Variants in DENND1B observed in about 807,000 individuals in gnomAD.
The protein encoded by DENND1B is DENN domain containing 1B.
Under a neutral mutation model 90.1 loss-of-function variants are expected in DENND1B, and 59 were observed. The ratio of observed to expected loss-of-function variants is 0.65; its 90% confidence interval spans 0.53 to 0.81. The LOEUF (loss-of-function observed/expected upper bound fraction) is 0.81, where lower values mean the gene tolerates loss of function less well. Ranked by LOEUF, DENND1B falls within the 40% of genes least tolerant of loss-of-function variation. The pLI is 0.00. For synonymous variants in DENND1B, 337 were observed against 324.6 expected, an observed-to-expected ratio of 1.04 and a Z score of -0.41; for missense variants, 862 against 912.6, an observed-to-expected ratio of 0.94 and a Z score of 0.71.
intron 2 of DENND1B, among the ~76,000 whole-genome samples, chr1:197,753,906 A>G (rs981757891): frequency 2.0e-5 from 3 of 152,114 alleles, no homozygotes; most frequent in Non-Finnish European, 4.4e-5. Context: ...AGGCTGAGAC[A>G]GAAGAATCGC....
At chr1:197,655,145 A>T (rs886667466) in intron 6 of DENND1B, among the ~76,000 whole-genome samples, 1 of 152,216 alleles carries the variant, frequency 6.6e-6, no homozygotes, top group Non-Finnish European at 1.5e-5. Flanking sequence ...TTCCTATTTT[A>T]AAAATTCCAT....
upstream of DENND1B, among the ~76,000 whole-genome samples, chr1:197,780,366 G>A (rs982885363): frequency 5.5e-5 from 8 of 146,392 alleles, no homozygotes; most frequent in African/African-American, 2.0e-4. Flanking sequence ...TCGCTCTGTC[G>A]CCAGGCTGGA....
At chr1:197,642,037 A>C (rs901776163) in intron 10 of DENND1B, among the ~76,000 whole-genome samples, 2 of 152,060 alleles carry the variant, frequency 1.3e-5, no homozygotes, top group Non-Finnish European at 2.9e-5. Flanking sequence ...GAAAATATTA[A>C]ATTTTTGAAG....
intron 16 of DENND1B, 53 bp downstream of exon 16, chr1:197,552,969 C>A (rs1671367604): frequency 1.9e-6 from 3 of 1,556,266 alleles, no homozygotes; most frequent in Non-Finnish European, 2.6e-6. Context: ...AGTGCAAAGA[C>A]CAAGAAAATT....
In DENND1B at chr1:197,509,682, G is replaced by A. The variant is rs868721748; in HGVS notation, c.*778C>T. 9 of 149,544 alleles carry A rather than the reference G, an allele frequency of 6.0e-5. No individual in the cohort carries two copies. The Middle Eastern group carries it at 0.01, about 172-fold the overall frequency. 9.3% of individuals were successfully genotyped at this position (149,544 alleles called of 1,614,324 possible). On this transcript the variant is annotated 3_prime_UTR_variant, in exon 23 of 23. Coordinates refer to ENST00000620048, the MANE Select transcript of DENND1B (RefSeq NM_001195215.2). The stretch of plus-strand genomic sequence containing the variant: ...ATGTTGTATTTGGCTTTCTTGGGGT[G>A]GACCCCTAAATAGCAAAGGCATACA...
chr1:197,622,752 C>A (rs983520065), intron 10 of DENND1B, among the ~76,000 whole-genome samples: 5 of 151,384 alleles, frequency 3.3e-5, no homozygotes, highest in Non-Finnish European at 7.4e-5. Flanking sequence ...TATGAGTACA[C>A]CTAAGTTTGA....
intron 10 of DENND1B, among the ~76,000 whole-genome samples, chr1:197,639,840 G>C (rs540835898): frequency 2.6e-5 from 4 of 152,094 alleles, no homozygotes; most frequent in African/African-American, 9.6e-5. Flanking sequence ...TTTATATACT[G>C]TATATATAAA....
chr1:197,546,090 A>C (rs1484027305), intron 17 of DENND1B, 100 bp from the exon 18 acceptor site: 2 of 886,976 alleles, frequency 2.3e-6, no homozygotes, highest in Admixed American at 6.7e-5. Flanking sequence ...AAAGGGCTTT[A>C]CTCACAACTT....
At chr1:197,725,049 T>C (rs1365886928) in intron 2 of DENND1B, among the ~76,000 whole-genome samples, 4 of 151,692 alleles carry the variant, frequency 2.6e-5, no homozygotes, top group African/African-American at 9.7e-5. Context: ...GGGAAGAAAA[T>C]AATATTAGAA....
At chr1:197,546,829 A>G in intron 16 of DENND1B, 56 bp from the exon 17 acceptor site, 3 of 1,475,560 alleles carry the variant, frequency 2.0e-6, no homozygotes, top group Non-Finnish European at 2.7e-6. Flanking sequence ...AAATCTGTAA[A>G]CCAAAATTTA....
At chr1:197,692,104 G>C (rs774687000) in intron 3 of DENND1B, among the ~76,000 whole-genome samples, 278 of 151,290 alleles carry the variant, frequency 1.8e-3, no homozygotes, top group Non-Finnish European at 3.0e-3. Flanking sequence ...TTATAGAGTA[G>C]ATCTCATGTA....
intron 14 of DENND1B, among the ~76,000 whole-genome samples, chr1:197,588,046 T>A (rs905511324): frequency 2.6e-5 from 4 of 152,170 alleles, no homozygotes; most frequent in Middle Eastern, 3.2e-3. Context: ...TAAATACAGA[T>A]GAAGCTTCAT....
intron 5 of DENND1B, among the ~76,000 whole-genome samples, chr1:197,664,010 TACACAC>T (rs10638441): frequency 6.7e-6 from 1 of 149,464 alleles, no homozygotes; most frequent in Admixed American, 6.7e-5. Flanking sequence ...AACACACACA[TACACAC>T]ACACACACAC....
chr1:197,674,686 A>G (rs1324907746), intron 3 of DENND1B, among the ~76,000 whole-genome samples: 1 of 150,994 alleles, frequency 6.6e-6, no homozygotes. Context: ...AAAAAAAGAG[A>G]GAGAGACTTT....
chr1:197,742,400 A>G (rs191348126), intron 2 of DENND1B, among the ~76,000 whole-genome samples: 182 of 152,288 alleles, frequency 1.2e-3, no homozygotes, highest in Non-Finnish European at 1.9e-3. Flanking sequence ...AAAAGAAGAA[A>G]AGATAACATC....
At chr1:197,722,252 G>C (rs1266875546) in intron 2 of DENND1B, among the ~76,000 whole-genome samples, 1 of 151,890 alleles carries the variant, frequency 6.6e-6, no homozygotes, top group Non-Finnish European at 1.5e-5. Context: ...TAGAAACTTT[G>C]TATTTTCTGA....
At chr1:197,536,244 T>C (rs1669896183) in intron 20 of DENND1B, among the ~76,000 whole-genome samples, 1 of 152,076 alleles carries the variant, frequency 6.6e-6, no homozygotes, top group Admixed American at 6.5e-5. Flanking sequence ...ACTTTTTCCA[T>C]TTCCTAGTTC....
In DENND1B at chr1:197,735,700, C is replaced by G. The variant is rs748879487; in HGVS notation, c.83-20626G>C. The G allele has an allele frequency of 6.2e-6, 10 of 1,613,850 alleles. No individual in the cohort carries two copies. In the African/African-American group the frequency reaches 1.3e-4, roughly 22 times the overall value. On this transcript the variant is annotated intron_variant, in intron 2 of 22. Coordinates refer to ENST00000620048, the MANE Select transcript of DENND1B (RefSeq NM_001195215.2). ...TACCCCGGACACGGGAGGCGCTACG[C>G]CAGGACCGACAGGAAAGTTTTCCAG...
intron 5 of DENND1B, among the ~76,000 whole-genome samples, chr1:197,661,455 T>C (rs951294973): frequency 6.6e-6 from 1 of 152,090 alleles, no homozygotes; most frequent in Non-Finnish European, 1.5e-5. Flanking sequence ...ACAATTTCAA[T>C]GTGTCATGTA....
Sources: gnomAD v4.1 joint callset for allele counts (sites outside exome capture counted in the v4.1 genomes callset) on GRCh38, gnomAD v4.1.1 for gene constraint, MANE v1.5 for transcripts, NCBI Gene and HGNC (gene_info 2026-07-23, HGNC 2026-07-21) for gene names.